Variants in QTGAL observed in about 807,000 individuals in gnomAD.
QTGAL encodes queuosine-tRNA galactosyltransferase, also known as BGnT-like protein 1.
At chr17:83,009,808 T>A in the QTGAL span, among the ~76,000 whole-genome samples, 1 of 152,014 alleles carries the variant, frequency 6.6e-6, no homozygotes, top group African/African-American at 2.4e-5. Flanking sequence ...GACACGTTTC[T>A]GGCACAGACT....
the QTGAL span, among the ~76,000 whole-genome samples, chr17:82,973,534 T>C: frequency 1.3e-5 from 2 of 151,966 alleles, no homozygotes; most frequent in Non-Finnish European, 2.9e-5. Context: ...CCGGGCAGGA[T>C]TGGAGTCCGG....
At chr17:83,048,610 G>A in the QTGAL span, 16 of 1,605,332 alleles carry the variant, frequency 1.0e-5, no homozygotes, top group Middle Eastern at 1.7e-4. Flanking sequence ...ACTTCCCTCC[G>A]AACAGTCAAC....
At chr17:82,983,266 C>T in the QTGAL span, among the ~76,000 whole-genome samples, 3 of 152,252 alleles carry the variant, frequency 2.0e-5, no homozygotes, top group South Asian at 2.1e-4. Context: ...GGCGACAGAG[C>T]GAGACTCCAT....
chr17:83,015,870 C>G, the QTGAL span, among the ~76,000 whole-genome samples: 7 of 152,246 alleles, frequency 4.6e-5, no homozygotes, highest in African/African-American at 1.4e-4. The surrounding 1 kb of genome is among the most constrained non-coding windows in gnomAD (Gnocchi z 4.4). Flanking sequence ...CACGCCCCCC[C>G]ACCATCGGTC....
the QTGAL span, among the ~76,000 whole-genome samples, chr17:82,977,736 C>T: frequency 0.5 from 76,028 of 151,836 alleles, 19,305 homozygotes; most frequent in South Asian, 0.61. Flanking sequence ...CAGGGCAGGA[C>T]GGTGACGCCC....
At chr17:82,955,733 G>C in the QTGAL span, among the ~76,000 whole-genome samples, 4 of 152,072 alleles carry the variant, frequency 2.6e-5, no homozygotes, top group East Asian at 7.7e-4. Context: ...CAATAGCAAA[G>C]ACATGGAATC....
chr17:83,031,519 T>TTCCAGCGGGG, the QTGAL span, among the ~76,000 whole-genome samples: 1 of 152,210 alleles, frequency 6.6e-6, no homozygotes, highest in Non-Finnish European at 1.5e-5. Context: ...GCGCCACGTT[T>TTCCAGCGGGG]AGACAGGGCT....
At chr17:83,011,874 G>A in the QTGAL span, among the ~76,000 whole-genome samples, 2 of 152,052 alleles carry the variant, frequency 1.3e-5, no homozygotes, top group South Asian at 2.1e-4. Context: ...ATCCCAGCTC[G>A]TTTGAACACA....
the QTGAL span, chr17:82,947,710 C>T: frequency 6.6e-6 from 1 of 152,504 alleles, no homozygotes; most frequent in East Asian, 1.9e-4. Context: ...TCCTTGGGCC[C>T]AGCAGGAGGA....
At chr17:83,034,522 T>A in the QTGAL span, among the ~76,000 whole-genome samples, 1 of 149,024 alleles carries the variant, frequency 6.7e-6, no homozygotes, top group Non-Finnish European at 1.5e-5. Context: ...AATTAATAAC[T>A]GATAAGGTTG....
chr17:83,029,896 C>T, the QTGAL span, among the ~76,000 whole-genome samples: 2 of 152,178 alleles, frequency 1.3e-5, no homozygotes, highest in African/African-American at 2.4e-5. Context: ...CTGACGCGCC[C>T]GTTGCTTTCT....
At chr17:83,048,823 A>C in the QTGAL span, 1 of 1,563,966 alleles carries the variant, frequency 6.4e-7, no homozygotes, top group Non-Finnish European at 8.8e-7. Context: ...GAAGTGTGAA[A>C]ACTTAGTTCC....
chr17:82,974,249 C>T, the QTGAL span, among the ~76,000 whole-genome samples: 2 of 152,206 alleles, frequency 1.3e-5, no homozygotes, highest in African/African-American at 2.4e-5. Flanking sequence ...GTTTGGGGAA[C>T]GCGTGCTGAC....
chr17:82,956,422 G>A, the QTGAL span, among the ~76,000 whole-genome samples: 1 of 152,206 alleles, frequency 6.6e-6, no homozygotes, highest in African/African-American at 2.4e-5. The surrounding 1 kb of genome is among the most constrained non-coding windows in gnomAD (Gnocchi z 5.7). Flanking sequence ...TTGGCTTTAT[G>A]GGTATTTTAA....
chr17:83,013,309 G>A, the QTGAL span, among the ~76,000 whole-genome samples: 2 of 150,864 alleles, frequency 1.3e-5, no homozygotes, highest in African/African-American at 4.9e-5. Flanking sequence ...CCTGCCTCAC[G>A]TGAGACGCAA....
At chr17:82,985,736 T>C in the QTGAL span, among the ~76,000 whole-genome samples, 5 of 152,076 alleles carry the variant, frequency 3.3e-5, no homozygotes, top group Non-Finnish European at 5.9e-5. Flanking sequence ...GAGCCCAGGG[T>C]TGATCGGAGG....
chr17:83,048,761 C>A, the QTGAL span: 1 of 1,613,902 alleles, frequency 6.2e-7, no homozygotes, highest in South Asian at 1.1e-5. Context: ...CACGGTTCAG[C>A]GTTGTGGACT....
chr17:83,050,914 AAGC>A, the QTGAL span, among the ~76,000 whole-genome samples: 1 of 150,450 alleles, frequency 6.6e-6, no homozygotes, highest in Non-Finnish European at 1.5e-5. Flanking sequence ...CAGGTGTGTG[AAGC>A]AGGTGTGCAG....
At chr17:82,950,248 G>C in the QTGAL span, among the ~76,000 whole-genome samples, 1 of 152,342 alleles carries the variant, frequency 6.6e-6, no homozygotes, top group South Asian at 2.1e-4. Flanking sequence ...CCCATGCTCA[G>C]CCGGCTCCCT....
Sources: gnomAD v4.1 joint callset for allele counts (sites outside exome capture counted in the v4.1 genomes callset) on GRCh38, gnomAD v4.1.1 for gene constraint, Gnocchi (gnomAD v3.1) non-coding constraint, MANE v1.5 for transcripts, NCBI Gene and HGNC (gene_info 2026-07-23, HGNC 2026-07-21) for gene names.